The following PCDHGA4 variants were observed in gnomAD, a reference collection of about 807,000 sequenced individuals.
The protein encoded by PCDHGA4 is protocadherin gamma-A4.
PCDHGA4 carries 38 observed loss-of-function variants against 54.6 expected under a neutral mutation model. That is an observed-to-expected ratio of 0.70 (90% CI 0.54 to 0.91). The LOEUF (loss-of-function observed/expected upper bound fraction) is 0.91, where lower values mean the gene tolerates loss of function less well. Among genes scored for constraint, PCDHGA4 ranks in the 40% least tolerant of loss-of-function variants. PCDHGA4 has a pLI of 0.00. For synonymous variants in PCDHGA4, 511 were observed against 512.9 expected (o/e 1.00, Z 0.05); for missense variants, 1,298 against 1,220.9 (o/e 1.06, Z -0.94).
intron 1 of PCDHGA4, among the ~76,000 whole-genome samples, chr5:141,461,253 C>A (rs1358900194): frequency 6.6e-6 from 1 of 152,108 alleles, no homozygotes; most frequent in Non-Finnish European, 1.5e-5. Flanking sequence ...ATATTCCCAG[C>A]AGCAATGTGT....
At chr5:141,376,299 A>T (rs1314928354) in intron 1 of PCDHGA4, 2 of 1,614,164 alleles carry the variant, frequency 1.2e-6, no homozygotes, top group Non-Finnish European at 1.7e-6. Flanking sequence ...CCCGGCTCGC[A>T]CTTTGTGGGC....
At chr5:141,478,941 A>C (rs889484528) in intron 1 of PCDHGA4, 9 of 589,470 alleles carry the variant, frequency 1.5e-5, no homozygotes, top group Non-Finnish European at 2.0e-5. Context: ...TTCTAGGAAT[A>C]CAAAAACTAC....
In PCDHGA4 at chr5:141,476,656, T is replaced by A. The variant is rs190269177; in HGVS notation, c.2515-18151T>A. 6.2e-7 allele frequency: 1 copy of A among 1,614,210 alleles called. No individual in the cohort carries two copies. The highest frequency in any genetic ancestry group is 1.3e-5 in the African/African-American group (1 of 75,064). ...ATGAGCTGAGCCGAAATGAATACTTTGCGCTTCGCGTGCAGACGCGGGAGG... is the reference window on the plus strand; with the variant it reads ...ATGAGCTGAGCCGAAATGAATACTTAGCGCTTCGCGTGCAGACGCGGGAGG... On this transcript the variant is annotated intron_variant, in intron 1 of 3. Coordinates refer to ENST00000571252, the MANE Select transcript of PCDHGA4 (RefSeq NM_018917.4). This position sits in a 1 kb window ranked among gnomAD's most constrained non-coding sequence, Gnocchi z 7.6.
At chr5:141,361,031 G>A (rs756552774) in intron 1 of PCDHGA4, 27 of 1,613,172 alleles carry the variant, frequency 1.7e-5, no homozygotes, top group Non-Finnish European at 2.1e-5. Context: ...GAAAAAACAG[G>A]AGAAATCACG....
intron 1 of PCDHGA4, chr5:141,423,848 G>A: frequency 1.6e-6 from 2 of 1,277,462 alleles, no homozygotes; most frequent in Non-Finnish European, 2.0e-6. Flanking sequence ...TAATCTTTCA[G>A]AACGTTTTTG....
In PCDHGA4 at chr5:141,355,344, C is replaced by A. The variant is rs1350319384; in HGVS notation, c.237C>A (p.Ile79=). 3 of 1,613,926 alleles carry A rather than the reference C, an allele frequency of 1.9e-6. No homozygotes were observed. Among genetic ancestry groups the A allele is most frequent in the African/African-American group, 1.3e-5 (1 of 74,950 alleles). ...AAGAAGGCTCAGTGGTGGGCAACATCGCCAAGGACCTGGGGTTGGCGCCCC... is the reference window on the plus strand; with the variant it reads ...AAGAAGGCTCAGTGGTGGGCAACATAGCCAAGGACCTGGGGTTGGCGCCCC... The part of the protein sequence containing the change: ...EQEEGSVVGN[I]AKDLGLAPRE... The change falls in exon 1 of 4, where the codon ATC becomes ATA. Residue 79 remains isoleucine, a synonymous_variant. Transcript: ENST00000571252.
intron 1 of PCDHGA4, chr5:141,404,901 G>A: frequency 6.2e-7 from 1 of 1,613,848 alleles, no homozygotes; most frequent in African/African-American, 1.3e-5. Flanking sequence ...CAGGACCATG[G>A]CCAGCCCCCT....
At position 141,389,005 on chromosome 5, in the gene PCDHGA4, C is replaced by T. The variant is rs757594459; in HGVS notation, c.2514+31384C>T. 81 of 1,613,780 alleles carry T rather than the reference C, an allele frequency of 5.0e-5. No individual in the cohort carries two copies. Among genetic ancestry groups the T allele is most frequent in the Non-Finnish European group, 6.7e-5 (79 of 1,179,858 alleles). On this transcript the variant is annotated intron_variant, in intron 1 of 3. Transcript: ENST00000571252. The stretch of plus-strand genomic sequence containing the variant: ...TTGCTCAAAGTCCGTGACAAGGATT[C>T]CAGACACAATGGAGAAGTGACTTGT...
intron 1 of PCDHGA4, chr5:141,410,760 A>G: frequency 8.5e-7 from 1 of 1,177,482 alleles, no homozygotes; most frequent in Non-Finnish European, 1.2e-6. Flanking sequence ...ATGTTTTTTC[A>G]ATTATAGTTT....
At position 141,473,311 on chromosome 5, in the gene PCDHGA4, A is replaced by G. The variant is rs139053997; in HGVS notation, c.2515-21496A>G. On this transcript the variant is annotated intron_variant, in intron 1 of 3. Coordinates refer to ENST00000571252, the MANE Select transcript of PCDHGA4 (RefSeq NM_018917.4). ...TCAGTAGCATAAAGATTGCTATATTAATAAGCATTAAGTGCCTGCTGTGCT... is the reference window on the plus strand; with the variant it reads ...TCAGTAGCATAAAGATTGCTATATTGATAAGCATTAAGTGCCTGCTGTGCT... Among the ~76,000 whole-genome samples, 1,321 of 152,342 alleles carry G rather than the reference A, an allele frequency of 8.7e-3. 28 individuals carry two copies. Among genetic ancestry groups the G allele is most frequent in the African/African-American group, 0.03 (1,236 of 41,582 alleles).
At position 141,476,356 on chromosome 5, in the gene PCDHGA4, C is replaced by T. The variant is rs757679991; in HGVS notation, c.2515-18451C>T. The stretch of plus-strand genomic sequence containing the variant: ...CTAGCCGAAGATTCTTTGAGGTGAA[C>T]CGGGAGACCGGAGAGATGTTTGTGA... On this transcript the variant is annotated intron_variant, in intron 1 of 3. Coordinates refer to ENST00000571252, the MANE Select transcript of PCDHGA4 (RefSeq NM_018917.4). This position sits in a 1 kb window ranked among gnomAD's most constrained non-coding sequence, Gnocchi z 7.6. 6 of 1,613,958 alleles carry T rather than the reference C, an allele frequency of 3.7e-6. No individual in the cohort carries two copies. The African/African-American group carries it at 4.0e-5, about 11-fold the overall frequency.
intron 1 of PCDHGA4, among the ~76,000 whole-genome samples, chr5:141,492,893 C>T (rs936521362): frequency 2.0e-5 from 3 of 152,178 alleles, no homozygotes; most frequent in Admixed American, 6.5e-5. Flanking sequence ...AGGCTTTTGG[C>T]GCCGTCGTGA....
intron 1 of PCDHGA4, among the ~76,000 whole-genome samples, chr5:141,469,031 C>T (rs963001535): frequency 1.3e-5 from 2 of 152,070 alleles, no homozygotes; most frequent in Admixed American, 6.6e-5. Flanking sequence ...AATCCCAGCA[C>T]TTTGGGAGGC....
chr5:141,431,066 CAATT>C lies in PCDHGA4; in HGVS notation c.2515-63738_2515-63735del, dbSNP rs762972663. ...GCTCTGTATGGGGGCCATCAAGTGT[CAATT>C]AAATCTAGACATTCTGATGGAGGAT... On this transcript the variant is annotated intron_variant, in intron 1 of 3. Transcript: ENST00000571252. This position sits in a 1 kb window ranked among gnomAD's most constrained non-coding sequence, Gnocchi z 4.8. 9 of 1,614,042 alleles carry C rather than the reference CAATT, an allele frequency of 5.6e-6. No individual in the cohort carries two copies. The East Asian group carries it at 2.0e-4, about 36-fold the overall frequency.
chr5:141,423,513 G>C, intron 1 of PCDHGA4: 3 of 1,613,750 alleles, frequency 1.9e-6, no homozygotes, highest in Non-Finnish European at 1.7e-6. Flanking sequence ...CTCTCATTGC[G>C]GACTCGCAGA....
intron 2 of PCDHGA4, among the ~76,000 whole-genome samples, chr5:141,498,848 G>T (rs930895553): frequency 6.6e-6 from 1 of 151,908 alleles, no homozygotes; most frequent in African/African-American, 2.4e-5. Context: ...CAGGGGAATC[G>T]CTTGAACCCA....
chr5:141,414,434 C>A (rs774467993), intron 1 of PCDHGA4: 2 of 1,613,822 alleles, frequency 1.2e-6, no homozygotes, highest in Non-Finnish European at 8.5e-7. Flanking sequence ...GAACAGGTAT[C>A]CTCTTACAAT....
chr5:141,423,648 G>T, intron 1 of PCDHGA4: 1 of 1,590,008 alleles, frequency 6.3e-7, no homozygotes, highest in Admixed American at 1.8e-5. Context: ...AATGTGACCC[G>T]ACAAGTAATC....
chr5:141,380,531 A>G (rs1197165586), intron 1 of PCDHGA4, among the ~76,000 whole-genome samples: 4 of 152,346 alleles, frequency 2.6e-5, no homozygotes, highest in African/African-American at 9.6e-5. Flanking sequence ...AATGATTTCA[A>G]TTTGATACAA....
Sources: allele counts gnomAD v4.1 joint callset (sites outside exome capture counted in the v4.1 genomes callset), GRCh38; gene constraint gnomAD v4.1.1; non-coding constraint Gnocchi (gnomAD v3.1); transcripts MANE v1.5; gene names NCBI Gene and HGNC (gene_info 2026-07-23, HGNC 2026-07-21).